The following SGCZ variants were observed in gnomAD, a reference collection of about 807,000 sequenced individuals.
SGCZ encodes zeta-sarcoglycan.
In SGCZ, 40 loss-of-function variants were observed where a neutral mutation model predicts 41.3. The ratio of observed to expected loss-of-function variants is 0.97; its 90% CI spans 0.75 to 1.26. The LOEUF is 1.26. Ranked by LOEUF, SGCZ falls within the 50% of genes most tolerant of loss-of-function variation. SGCZ has a pLI of 0.00. For synonymous variants in SGCZ, 206 were observed against 137.5 expected (o/e 1.50, Z -3.49); for missense variants, 552 against 369.8 (o/e 1.49, Z -4.04).
At chr8:14,460,675 A>T (rs1800876824) in intron 2 of SGCZ, among the ~76,000 whole-genome samples, 1 of 152,160 alleles carries the variant, frequency 6.6e-6, no homozygotes, top group Admixed American at 6.5e-5. Flanking sequence ...CCAAAGAAGT[A>T]GATTTTGTCC....
intron 4 of SGCZ, 82 bp from the exon 5 acceptor site, chr8:14,164,784 T>A (rs1039889161): frequency 2.0e-6 from 3 of 1,482,730 alleles, no homozygotes; most frequent in Non-Finnish European, 2.8e-6. Context: ...AGACTAGAAA[T>A]GCATATATTA....
At chr8:14,549,002 G>C (rs1046879290) in intron 2 of SGCZ, among the ~76,000 whole-genome samples, 9 of 152,012 alleles carry the variant, frequency 5.9e-5, no homozygotes, top group African/African-American at 2.2e-4. Flanking sequence ...TTTTCTAGAG[G>C]GGTTGTAAAG....
At chr8:14,839,588 C>T (rs1802828718) in intron 1 of SGCZ, among the ~76,000 whole-genome samples, 1 of 152,136 alleles carries the variant, frequency 6.6e-6, no homozygotes, top group South Asian at 2.1e-4. Flanking sequence ...GCAATAAACA[C>T]TTTTTTTCCA....
chr8:14,660,224 C>G (rs978501354), intron 1 of SGCZ, among the ~76,000 whole-genome samples: 1 of 152,102 alleles, frequency 6.6e-6, no homozygotes, highest in Non-Finnish European at 1.5e-5. Flanking sequence ...ATTTTAGACA[C>G]TGTTCGGTGT....
intron 1 of SGCZ, among the ~76,000 whole-genome samples, chr8:14,680,008 T>C (rs189868207): frequency 6.6e-6 from 1 of 152,252 alleles, no homozygotes; most frequent in East Asian, 1.9e-4. Context: ...GCAGTCGATG[T>C]GTGTAGTAGG....
At chr8:14,749,802 C>T (rs942443416) in intron 1 of SGCZ, among the ~76,000 whole-genome samples, 6 of 151,994 alleles carry the variant, frequency 3.9e-5, no homozygotes, top group Non-Finnish European at 7.4e-5. Context: ...GATCCTGCCT[C>T]CACTGGAAGA....
At chr8:15,226,135 G>C (rs576598971) in intron 1 of SGCZ, among the ~76,000 whole-genome samples, 1 of 152,258 alleles carries the variant, frequency 6.6e-6, no homozygotes, top group East Asian at 1.9e-4. Flanking sequence ...ATGCAGCTCA[G>C]AAATTCAAAT....
rs555765452 is a variant in SGCZ, at chr8:15,012,688, A to C, written c.39+224897T>G. Among the ~76,000 whole-genome samples the C allele has an allele frequency of 6.6e-4, 93 of 139,950 alleles. 1 individual carries two copies. Among genetic ancestry groups the C allele is most frequent in the African/African-American group, 2.4e-3 (92 of 38,482 alleles). 91.8% of individuals were successfully genotyped at this position (139,950 alleles called of 152,430 possible). A position where few individuals can be genotyped will look rare whatever the true frequency, so the allele number is the denominator to read the frequency against. On this transcript the variant is annotated intron_variant, in intron 1 of 7. Coordinates refer to ENST00000382080, the MANE Select transcript of SGCZ (RefSeq NM_139167.4). ...TATATTTATTATATATTTATAATAT[A>C]AATATAAATATTTTATATAAATGTT...
At chr8:14,942,853 T>C (rs1184092910) in intron 1 of SGCZ, among the ~76,000 whole-genome samples, 2 of 152,128 alleles carry the variant, frequency 1.3e-5, no homozygotes, top group Non-Finnish European at 2.9e-5. Context: ...GCCATCTTAT[T>C]ACCCTCATTT....
chr8:15,180,355 T>C (rs1335180868), intron 1 of SGCZ, among the ~76,000 whole-genome samples: 6 of 152,168 alleles, frequency 3.9e-5, no homozygotes, highest in African/African-American at 7.2e-5. Flanking sequence ...CACTTTAACA[T>C]GTTGGTATAT....
intron 2 of SGCZ, among the ~76,000 whole-genome samples, chr8:14,517,236 A>C (rs1279025612): frequency 6.6e-6 from 1 of 152,114 alleles, no homozygotes; most frequent in Non-Finnish European, 1.5e-5. Flanking sequence ...AGTAAGTCAC[A>C]AGAACTTATC....
At chr8:14,140,066 C>T (rs930603840) in intron 5 of SGCZ, among the ~76,000 whole-genome samples, 3 of 151,462 alleles carry the variant, frequency 2.0e-5, no homozygotes, top group Admixed American at 6.6e-5. Context: ...AACCAAAGAT[C>T]AAAACCACAT....
chr8:14,371,433 GTTTC>G (rs1803905890), intron 2 of SGCZ, among the ~76,000 whole-genome samples: 2 of 152,054 alleles, frequency 1.3e-5, no homozygotes, highest in Non-Finnish European at 2.9e-5. Flanking sequence ...CTTTAAATCT[GTTTC>G]TTATGACTAT....
chr8:14,291,692 T>G (rs1425246936), intron 3 of SGCZ, among the ~76,000 whole-genome samples: 1 of 151,792 alleles, frequency 6.6e-6, no homozygotes, highest in African/African-American at 2.4e-5. Flanking sequence ...TATATATATA[T>G]GTATTCTTTT....
chr8:14,741,172 G>A (rs565572425), intron 1 of SGCZ, among the ~76,000 whole-genome samples: 18 of 152,070 alleles, frequency 1.2e-4, no homozygotes, highest in African/African-American at 3.9e-4. Context: ...ATTCTTAATT[G>A]CTTTCTTGTT....
At chr8:14,323,715 T>A (rs1427009) in intron 3 of SGCZ, among the ~76,000 whole-genome samples, 138,003 of 152,122 alleles carry the variant, frequency 0.91, 62,819 homozygotes, top group Middle Eastern at 0.96. Context: ...TGTCTATTAA[T>A]GCTGATCAGA....
chr8:15,015,108 T>A (rs1006703813), intron 1 of SGCZ, among the ~76,000 whole-genome samples: 5 of 152,084 alleles, frequency 3.3e-5, no homozygotes, highest in Admixed American at 3.3e-4. Context: ...CTGGGCACAG[T>A]GGTGTGCACC....
At chr8:14,268,179 A>T (rs1401156676) in intron 3 of SGCZ, among the ~76,000 whole-genome samples, 2 of 149,906 alleles carry the variant, frequency 1.3e-5, no homozygotes, top group African/African-American at 2.4e-5. Flanking sequence ...CGGAAGCAAA[A>T]TACTGGGAAT....
chr8:14,926,303 G>A (rs1799748228), intron 1 of SGCZ, among the ~76,000 whole-genome samples: 2 of 152,064 alleles, frequency 1.3e-5, no homozygotes, highest in African/African-American at 4.8e-5. Context: ...TTGTCATCAT[G>A]TTTCATTTGC....
Sources: gnomAD v4.1 joint callset for allele counts (sites outside exome capture counted in the v4.1 genomes callset) on GRCh38, gnomAD v4.1.1 for gene constraint, MANE v1.5 for transcripts, NCBI Gene and HGNC (gene_info 2026-07-23, HGNC 2026-07-21) for gene names.